The following RBFOX1 variants were observed in gnomAD, a reference collection of about 807,000 sequenced individuals.
The protein encoded by RBFOX1 is RNA binding protein fox-1 homolog 1.
Under a neutral mutation model 57.7 loss-of-function variants are expected in RBFOX1, and 8 were observed. The ratio of observed to expected loss-of-function variants is 0.14; its 90% confidence interval spans 0.08 to 0.25. RBFOX1 has a LOEUF of 0.25. Ranked by LOEUF, RBFOX1 falls within the 10% of genes least tolerant of loss-of-function variation. The pLI, the probability that RBFOX1 is intolerant of heterozygous loss-of-function variation, is 1.00. For synonymous variants in RBFOX1, 326 were observed against 222.4 expected, an observed-to-expected ratio of 1.47 and a Z score of -4.15; for missense variants, 611 against 548.5, an observed-to-expected ratio of 1.11 and a Z score of -1.14.
At chr16:6,143,685 G>A (rs1464558464) in intron 1 of RBFOX1, among the ~76,000 whole-genome samples, 1 of 152,120 alleles carries the variant, frequency 6.6e-6, no homozygotes, top group African/African-American at 2.4e-5. Flanking sequence ...CCAGGATGGT[G>A]GTAGCAGCGG....
In RBFOX1 at chr16:6,613,137, C is replaced by A. The variant is rs79815600; in HGVS notation, c.-63-41466C>A. Reference sequence around the variant, plus strand: ...TACTTTTGCACTCGCGGTGCATGTGCCTTGATCTATAGGCATTATGCTTGC... The same window carrying A: ...TACTTTTGCACTCGCGGTGCATGTGACTTGATCTATAGGCATTATGCTTGC... On this transcript the variant is annotated intron_variant, in intron 2 of 15. Coordinates refer to ENST00000550418, the MANE Select transcript of RBFOX1 (RefSeq NM_018723.4). Among the ~76,000 whole-genome samples, 456 of 151,934 alleles carry A rather than the reference C, an allele frequency of 3.0e-3. 7 individuals are homozygous for A. Among genetic ancestry groups the A allele is most frequent in the African/African-American group, 0.01 (417 of 41,418 alleles).
intron 3 of RBFOX1, among the ~76,000 whole-genome samples, chr16:6,808,022 T>A (rs1603627379): frequency 6.6e-6 from 1 of 150,704 alleles, no homozygotes; most frequent in African/African-American, 2.4e-5. Context: ...ATATGCAAAT[T>A]ATACCTTGTG....
chr16:6,119,886 C>G (rs1273040121), intron 1 of RBFOX1, among the ~76,000 whole-genome samples: 1 of 152,222 alleles, frequency 6.6e-6, no homozygotes. Flanking sequence ...AGTTCTAAGA[C>G]ATTTTTATCA....
chr16:7,241,168 A>T (rs1432613570), intron 4 of RBFOX1, among the ~76,000 whole-genome samples: 2 of 152,180 alleles, frequency 1.3e-5, no homozygotes, highest in Admixed American at 1.3e-4. Flanking sequence ...AATCCACTGG[A>T]GGATTGATTA....
intron 4 of RBFOX1, among the ~76,000 whole-genome samples, chr16:7,281,794 C>G (rs1354552883): frequency 3.3e-5 from 5 of 152,120 alleles, no homozygotes; most frequent in African/African-American, 7.2e-5. Flanking sequence ...GACTTCCTCT[C>G]TGCAGACCAA....
At chr16:7,479,110 G>GTT (rs1370607381) in intron 4 of RBFOX1, among the ~76,000 whole-genome samples, 6 of 47,944 alleles carry the variant, frequency 1.3e-4, no homozygotes, top group Admixed American at 1.1e-3. Context: ...TCAAAACCCA[G>GTT]TTTTGTTTTT....
intron 7 of RBFOX1, among the ~76,000 whole-genome samples, 185 bp downstream of exon 7, chr16:7,587,485 T>C (rs1444588135): frequency 1.3e-5 from 2 of 152,184 alleles, no homozygotes; most frequent in Non-Finnish European, 2.9e-5. Context: ...TTAAAATGTA[T>C]AAGGGGATAA....
intron 4 of RBFOX1, among the ~76,000 whole-genome samples, chr16:7,088,054 A>G (rs1001132234): frequency 6.6e-6 from 1 of 152,174 alleles, no homozygotes; most frequent in Non-Finnish European, 1.5e-5. Context: ...TTCCAGTGGG[A>G]GTTCAGGCAA....
intron 3 of RBFOX1, among the ~76,000 whole-genome samples, chr16:7,012,918 G>A (rs1480253062): frequency 6.6e-6 from 1 of 152,112 alleles, no homozygotes; most frequent in African/African-American, 2.4e-5. Flanking sequence ...TGCCAAGATG[G>A]TCAGGTCCTG....
At chr16:6,704,473 C>G (rs1056853277) in intron 3 of RBFOX1, 2 of 152,300 alleles carry the variant, frequency 1.3e-5, no homozygotes, top group African/African-American at 4.8e-5. Context: ...CTCTTCACAG[C>G]AGGCTGAACA....
chr16:7,429,962 T>G (rs891391038), intron 4 of RBFOX1, among the ~76,000 whole-genome samples: 1 of 152,230 alleles, frequency 6.6e-6, no homozygotes, highest in Non-Finnish European at 1.5e-5. Context: ...ATTGACCTAC[T>G]TACTTTCTCC....
At chr16:7,007,465 C>G (rs1197092932) in intron 3 of RBFOX1, among the ~76,000 whole-genome samples, 1 of 152,152 alleles carries the variant, frequency 6.6e-6, no homozygotes, top group Non-Finnish European at 1.5e-5. Flanking sequence ...CTTTTGATAA[C>G]ATCTAGAAAA....
intron 3 of RBFOX1, among the ~76,000 whole-genome samples, chr16:6,930,885 C>A (rs2076394558): frequency 6.6e-6 from 1 of 151,864 alleles, no homozygotes; most frequent in Non-Finnish European, 1.5e-5. Context: ...TATCCAATAC[C>A]CCTGCCCCCT....
intron 4 of RBFOX1, among the ~76,000 whole-genome samples, chr16:6,009,708 C>G (rs905223443): frequency 6.6e-6 from 1 of 152,070 alleles, no homozygotes; most frequent in African/African-American, 2.4e-5. Flanking sequence ...CCCCCACCTC[C>G]AAGCCTATCC....
At chr16:6,001,773 C>T (rs1028820522) in intron 4 of RBFOX1, among the ~76,000 whole-genome samples, 22 of 151,968 alleles carry the variant, frequency 1.4e-4, no homozygotes, top group Non-Finnish European at 3.2e-4. Flanking sequence ...AAATATATGA[C>T]AGAAGCCATG....
intron 3 of RBFOX1, among the ~76,000 whole-genome samples, chr16:6,756,136 C>T (rs1480561969): frequency 6.6e-6 from 1 of 152,116 alleles, no homozygotes; most frequent in Non-Finnish European, 1.5e-5. Context: ...AAATCTTCAA[C>T]ATTTAATTTC....
chr16:5,790,618 C>T (rs536900138), intron 3 of RBFOX1, among the ~76,000 whole-genome samples: 1 of 152,068 alleles, frequency 6.6e-6, no homozygotes, highest in East Asian at 1.9e-4. Context: ...GCCTACCAGG[C>T]AAAAAACATT....
chr16:6,436,745 C>T lies in RBFOX1; in HGVS notation c.-64+119688C>T, dbSNP rs539408407. ...GTATCCCCAAACCAAACACAGTTTC[C>T]GAGATGTAGTAGTAACTCAGTGATT... On this transcript the variant is annotated intron_variant, in intron 2 of 15. Coordinates refer to ENST00000550418, the MANE Select transcript of RBFOX1 (RefSeq NM_018723.4). 1.0e-3 allele frequency among the ~76,000 whole-genome samples: 158 copies of T among 151,854 alleles called. 5 individuals are homozygous for T. The South Asian group carries it at 0.031, about 30-fold the overall frequency.
intron 4 of RBFOX1, among the ~76,000 whole-genome samples, chr16:7,158,125 G>A (rs1055268943): frequency 1.3e-5 from 2 of 152,072 alleles, no homozygotes; most frequent in Admixed American, 1.3e-4. Context: ...AAGGTGGGCG[G>A]ATCACAAGGT....
Sources: gnomAD v4.1 joint callset for allele counts (sites outside exome capture counted in the v4.1 genomes callset) on GRCh38, gnomAD v4.1.1 for gene constraint, MANE v1.5 for transcripts, NCBI Gene and HGNC (gene_info 2026-07-23, HGNC 2026-07-21) for gene names.